CHST11: variants seen among roughly 807,000 people sequenced by gnomAD.
CHST11 encodes C4S-1.
In CHST11, 9 loss-of-function variants were observed where a neutral mutation model predicts 30.4. The observed-to-expected ratio is 0.30, with a 90% CI of 0.18 to 0.52. CHST11 has a LOEUF of 0.52. Ranked by LOEUF, CHST11 falls within the 20% of genes least tolerant of loss-of-function variation. CHST11 has a pLI of 0.97. For synonymous variants in CHST11, 152 were observed against 187.8 expected (o/e 0.81, Z 1.56); for missense variants, 348 against 460.6 (o/e 0.76, Z 2.24).
intron 2 of CHST11, among the ~76,000 whole-genome samples, chr12:104,697,797 C>G (rs2039959614): frequency 6.6e-6 from 1 of 152,182 alleles, no homozygotes; most frequent in Admixed American, 6.5e-5. Flanking sequence ...ATCATCTTTC[C>G]TCAGGGCTCC....
chr12:104,574,612 A>G (rs949308274), intron 1 of CHST11, among the ~76,000 whole-genome samples: 2 of 151,952 alleles, frequency 1.3e-5, no homozygotes. Flanking sequence ...CGCAAGGACA[A>G]AAAACCAAAC....
chr12:104,487,045 CGAT>C (rs2037686565), intron 1 of CHST11, among the ~76,000 whole-genome samples: 1 of 152,098 alleles, frequency 6.6e-6, no homozygotes, highest in Non-Finnish European at 1.5e-5. Flanking sequence ...ATCCTTTGGT[CGAT>C]ACAGTAGACT....
At chr12:104,543,926 G>A (rs2038309466) in intron 1 of CHST11, among the ~76,000 whole-genome samples, 1 of 151,480 alleles carries the variant, frequency 6.6e-6, no homozygotes, top group Admixed American at 6.6e-5. Context: ...TTCAAGACTA[G>A]CCTGGGCAAC....
At position 104,729,418 on chromosome 12, in the gene CHST11, G is replaced by A. The variant is rs1383626406; in HGVS notation, c.205-27531G>A. Among the ~76,000 whole-genome samples the A allele has an allele frequency of 6.6e-6, 1 of 152,188 alleles. No homozygotes were observed. On this transcript the variant is annotated intron_variant, in intron 2 of 2. Coordinates refer to ENST00000303694, the MANE Select transcript of CHST11 (RefSeq NM_018413.6). This position sits in a 1 kb window ranked among gnomAD's most constrained non-coding sequence, Gnocchi z 4.0. ...TCATTAAGTACTGAGGATTCAAGCA[G>A]TGTTTCTCTGCAGACAGTTCACCCA...
intron 2 of CHST11, among the ~76,000 whole-genome samples, chr12:104,615,272 G>A (rs2039098604): frequency 6.6e-6 from 1 of 152,210 alleles, no homozygotes; most frequent in African/African-American, 2.4e-5. Flanking sequence ...TCTGGCAGTC[G>A]TTTTGAGTAT....
Position 104,729,297 on chromosome 12 carries a change from C to T in CHST11, c.205-27652C>T, listed in dbSNP as rs998788736. On this transcript the variant is annotated intron_variant, in intron 2 of 2. Coordinates refer to ENST00000303694, the MANE Select transcript of CHST11 (RefSeq NM_018413.6). The surrounding 1 kb of genome is among the most constrained non-coding windows in gnomAD (Gnocchi z 4.0). ...CCTACAGCTTCCTCCCCTGTGAAAT[C>T]GTGCTTCCTGTCCTGACCATCTTAT... is the stretch of plus-strand genomic sequence containing the variant. 2.6e-5 allele frequency among the ~76,000 whole-genome samples: 4 copies of T among 152,182 alleles called. No homozygotes were observed. Among genetic ancestry groups the T allele is most frequent in the East Asian group, 1.9e-4 (1 of 5,188 alleles).
chr12:104,588,250 A>G (rs1163874802), intron 1 of CHST11, among the ~76,000 whole-genome samples: 1 of 152,170 alleles, frequency 6.6e-6, no homozygotes, highest in Non-Finnish European at 1.5e-5. Flanking sequence ...GTCACTTGCC[A>G]TCCCCACCCC....
chr12:104,534,607 A>G (rs1412126054), intron 1 of CHST11, among the ~76,000 whole-genome samples: 4 of 152,118 alleles, frequency 2.6e-5, no homozygotes, highest in Non-Finnish European at 2.9e-5. Flanking sequence ...AGAGGGCAGG[A>G]GAGGCCACTG....
chr12:104,605,101 C>G (rs2038991395), intron 2 of CHST11, among the ~76,000 whole-genome samples: 1 of 134,562 alleles, frequency 7.4e-6, no homozygotes, highest in African/African-American at 2.8e-5. Context: ...GCTGTCTGTA[C>G]TTGCTGTTAC....
intron 1 of CHST11, among the ~76,000 whole-genome samples, chr12:104,533,516 G>T (rs1460395823): frequency 6.6e-6 from 1 of 152,156 alleles, no homozygotes; most frequent in Non-Finnish European, 1.5e-5. Context: ...TACTAAAATG[G>T]AGACTTTTCA....
intron 1 of CHST11, among the ~76,000 whole-genome samples, chr12:104,591,035 G>A (rs372569127): frequency 8.6e-4 from 131 of 152,318 alleles, no homozygotes; most frequent in South Asian, 7.9e-3. Context: ...GATGCGGTCA[G>A]AGGGCAGAGT....
intron 2 of CHST11, among the ~76,000 whole-genome samples, chr12:104,735,672 A>G (rs1345946381): frequency 1.3e-5 from 2 of 152,222 alleles, no homozygotes; most frequent in African/African-American, 4.8e-5. Flanking sequence ...AAAGCGCAGT[A>G]CTTCTAGAGA....
At chr12:104,548,135 C>T (rs1356546972) in intron 1 of CHST11, among the ~76,000 whole-genome samples, 1 of 152,176 alleles carries the variant, frequency 6.6e-6, no homozygotes, top group Non-Finnish European at 1.5e-5. Context: ...TCATTGAGGG[C>T]AGAGCCATGT....
intron 2 of CHST11, among the ~76,000 whole-genome samples, chr12:104,724,338 A>G (rs1306829988): frequency 6.6e-6 from 1 of 152,216 alleles, no homozygotes; most frequent in African/African-American, 2.4e-5. Flanking sequence ...TGATGGGTAC[A>G]GAGAATCCAT....
chr12:104,575,293 C>G (rs2038673531), intron 1 of CHST11, among the ~76,000 whole-genome samples: 1 of 152,074 alleles, frequency 6.6e-6, no homozygotes, highest in Admixed American at 6.5e-5. Flanking sequence ...GATACACAAT[C>G]CAGTAAACAA....
At position 104,514,336 on chromosome 12, in the gene CHST11, T is replaced by A. The variant is rs568773063; in HGVS notation, c.118+56807T>A. On this transcript the variant is annotated intron_variant, in intron 1 of 2. Transcript: ENST00000303694. ...ATTGGCTGTGCCAGAAACCTGTCTCTCAAGCAGCAGCTCTTCTTCTATGCC... is the reference window on the plus strand; with the variant it reads ...ATTGGCTGTGCCAGAAACCTGTCTCACAAGCAGCAGCTCTTCTTCTATGCC... The A allele has an allele frequency of 4.4e-4, 429 of 973,874 alleles. 5 individuals carry two copies. The South Asian group carries it at 5.4e-3, about 12-fold the overall frequency. 60.3% of individuals were successfully genotyped at this position (973,874 alleles called of 1,614,324 possible).
chr12:104,731,471 C>T (rs2040257305), intron 2 of CHST11, among the ~76,000 whole-genome samples: 1 of 152,162 alleles, frequency 6.6e-6, no homozygotes, highest in Non-Finnish European at 1.5e-5. Flanking sequence ...AGGCTTCTCC[C>T]GGTTTTATTT....
intron 2 of CHST11, among the ~76,000 whole-genome samples, chr12:104,725,028 TAG>T (rs2040205939): frequency 6.6e-6 from 1 of 152,126 alleles, no homozygotes; most frequent in South Asian, 2.1e-4. Flanking sequence ...AAGTGGGTGG[TAG>T]AGTGTCAGCC....
intron 1 of CHST11, among the ~76,000 whole-genome samples, chr12:104,582,399 T>C (rs2038754838): frequency 6.6e-6 from 1 of 152,166 alleles, no homozygotes; most frequent in Admixed American, 6.5e-5. Flanking sequence ...TGTGCGTGTG[T>C]TTGTGCTTGA....
Sources: allele counts gnomAD v4.1 joint callset (sites outside exome capture counted in the v4.1 genomes callset), GRCh38; gene constraint gnomAD v4.1.1; non-coding constraint Gnocchi (gnomAD v3.1); transcripts MANE v1.5; gene names NCBI Gene and HGNC (gene_info 2026-07-23, HGNC 2026-07-21).